KIF26A: variants seen among roughly 807,000 people sequenced by gnomAD.
The protein encoded by KIF26A is kinesin family member 26A.
Under a neutral mutation model 126.0 loss-of-function variants are expected in KIF26A, and 74 were observed. That is an observed-to-expected ratio of 0.59 (90% CI 0.49 to 0.71). KIF26A has a LOEUF of 0.71. Ranked by LOEUF, KIF26A falls within the 30% of genes least tolerant of loss-of-function variation. The pLI, the probability that KIF26A is intolerant of heterozygous loss-of-function variation, is 0.00. For synonymous variants in KIF26A, 1,445 were observed against 1,232.7 expected (o/e 1.17, Z -3.61); for missense variants, 2,984 against 2,763.3 (o/e 1.08, Z -1.79).
Position 104,141,700 on chromosome 14 carries a change from G to C in KIF26A, c.288+2412G>C, listed in dbSNP as rs530129630. Among the ~76,000 whole-genome samples, 3 of 152,126 alleles carry C rather than the reference G, an allele frequency of 2.0e-5. No individual in the cohort carries two copies. In the South Asian group the frequency reaches 6.2e-4, roughly 32 times the overall value. On this transcript the variant is annotated intron_variant, in intron 2 of 14. Transcript: ENST00000423312. ...TCTCCCTGCCTGTCTCCGTTGTAGA[G>C]GGAGGCGTAGAGGGTCGGGCCCAGC...
In KIF26A at chr14:104,139,259, C is replaced by G; in HGVS notation, c.259C>G (p.Leu87Val). 1.3e-6 allele frequency: 2 copies of G among 1,545,990 alleles called. No individual in the cohort carries two copies. The highest frequency in any genetic ancestry group is 1.7e-6 in the Non-Finnish European group (2 of 1,148,648). Residue 87 changes from leucine to valine, a missense_variant, in exon 2 of 15, where the codon CTG becomes GTG. Physicochemically the swap from Leu to Val is conservative, Grantham distance 32. Coordinates refer to ENST00000423312, the MANE Select transcript of KIF26A (RefSeq NM_015656.2). ...GGAGCTCAAGCGACAGGCGTGGAAG[C>G]TGGTCAGCGGGCCCGGGACCACCCT... ...LVELKRQAWKLVSGPGTTLRD... is the reference protein window; with the variant it reads ...LVELKRQAWKVVSGPGTTLRD...
In KIF26A at chr14:104,179,805, C is replaced by A; in HGVS notation, c.*15C>A. The A allele has an allele frequency of 2.0e-6, 3 of 1,512,188 alleles. No homozygotes were observed. The highest frequency in any genetic ancestry group is 2.7e-6 in the Non-Finnish European group (3 of 1,129,818). The allele number at this position is 1,512,188 out of a possible 1,614,324, so 93.7% of individuals were successfully genotyped here. On this transcript the variant is annotated 3_prime_UTR_variant, in exon 15 of 15. Coordinates refer to ENST00000423312, the MANE Select transcript of KIF26A (RefSeq NM_015656.2). ...TGGACGTCTGAGGCTGGGCGCCGGA[C>A]AAGAGGAGGGGGCGTGCAGCGGGCT...
Position 104,177,562 on chromosome 14 carries a change from C to T in KIF26A, c.4774C>T (p.His1592Tyr). 6.5e-7 allele frequency: 1 copy of T among 1,537,598 alleles called. No individual in the cohort carries two copies. The highest frequency in any genetic ancestry group is 8.7e-7 in the Non-Finnish European group (1 of 1,147,126). ...GGGCTCGGCGGACTCAGACAGCGGC[C>T]ATGACAGCGGCGTGAACGTGGGGGA... ...SWGSADSDSGHDSGVNVGEER... is the reference protein window; with the variant it reads ...SWGSADSDSGYDSGVNVGEER... The change falls in exon 12 of 15, where the codon CAT becomes TAT. Residue 1592 changes from histidine to tyrosine, a missense_variant. His to Tyr is a moderately conservative substitution (Grantham distance 83, BLOSUM62 2). Coordinates refer to ENST00000423312, the MANE Select transcript of KIF26A (RefSeq NM_015656.2).
chr14:104,157,679 C>T, intron 3 of KIF26A, 76 bp from the exon 4 acceptor site: 2 of 1,484,916 alleles, frequency 1.3e-6, no homozygotes, highest in East Asian at 2.5e-5. Flanking sequence ...AGGCCTGTCT[C>T]TCCCACTCCG....
chr14:104,145,688 C>T (rs974829216), intron 2 of KIF26A, among the ~76,000 whole-genome samples: 1 of 152,238 alleles, frequency 6.6e-6, no homozygotes, highest in Non-Finnish European at 1.5e-5. Flanking sequence ...CCCATCTTCC[C>T]TCCCCAGCTC....
At chr14:104,146,867 G>C (rs1342861453) in intron 2 of KIF26A, among the ~76,000 whole-genome samples, 1 of 152,158 alleles carries the variant, frequency 6.6e-6, no homozygotes, top group Non-Finnish European at 1.5e-5. Context: ...CGGGCGCTCT[G>C]GGGGCTGTGT....
intron 3 of KIF26A, among the ~76,000 whole-genome samples, chr14:104,157,510 C>T (rs927356030): frequency 6.6e-6 from 1 of 152,172 alleles, no homozygotes. Flanking sequence ...CTGGGGCAGA[C>T]CGCCCACACA....
At chr14:104,142,858 CCA>C (rs1390762375) in intron 2 of KIF26A, among the ~76,000 whole-genome samples, 12 of 152,184 alleles carry the variant, frequency 7.9e-5, no homozygotes, top group Admixed American at 7.9e-4. Flanking sequence ...GCTTTTCCTC[CCA>C]CACCCCACTT....
chr14:104,174,892 G>A (rs771399653), intron 11 of KIF26A, 90 bp from the exon 12 acceptor site: 29 of 1,321,980 alleles, frequency 2.2e-5, no homozygotes, highest in African/African-American at 1.0e-4. Context: ...CACAGTGACC[G>A]CAGCATTGGC....
rs149374004 is a variant in KIF26A at position 104,163,270 on chromosome 14, C to T, written c.924-3589C>T. On this transcript the variant is annotated intron_variant, in intron 4 of 14. Transcript: ENST00000423312. ...CAGGCCCCTGCCCAGTCTCCCTGCC[C>T]GCTATGGGGGCTCACTTTGAGGTTT... Among the ~76,000 whole-genome samples, 270 of 152,304 alleles carry T rather than the reference C, an allele frequency of 1.8e-3. 1 individual carries two copies. The highest frequency in any genetic ancestry group is 5.7e-3 in the African/African-American group (238 of 41,586).
intron 5 of KIF26A, among the ~76,000 whole-genome samples, chr14:104,171,477 A>G (rs2037956155): frequency 6.6e-6 from 1 of 152,080 alleles, no homozygotes; most frequent in South Asian, 2.1e-4. Context: ...TGTGCCGCAC[A>G]TTCGGTGCTG....
At position 104,174,286 on chromosome 14, in the gene KIF26A, C is replaced by G. The variant is rs746550217; in HGVS notation, c.2169C>G (p.His723Gln). The G allele has an allele frequency of 1.2e-5, 19 of 1,556,858 alleles. No homozygotes were observed. The African/African-American group carries it at 2.6e-4, about 21-fold the overall frequency. ...LSTVQLAARI[H>Q]RLRRKKAKYA... Reference sequence around the variant, plus strand: ...CCGTGCAGCTCGCCGCCCGCATCCACCGCCTGCGCAGGAAGAAGGCCAAGG... The same window carrying G: ...CCGTGCAGCTCGCCGCCCGCATCCAGCGCCTGCGCAGGAAGAAGGCCAAGG... Residue 723 changes from histidine to glutamine, a missense_variant, in exon 11 of 15, where the codon CAC becomes CAG. Physicochemically the swap from His to Gln is conservative, Grantham distance 24. Transcript: ENST00000423312.
chr14:104,177,599 C>A lies in KIF26A; in HGVS notation c.4811C>A (p.Pro1604His). 6.5e-7 allele frequency: 1 copy of A among 1,531,032 alleles called. No individual in the cohort carries two copies. The highest frequency in any genetic ancestry group is 1.2e-5 in the South Asian group (1 of 83,170). The allele number at this position is 1,531,032 out of a possible 1,614,324, so 94.8% of individuals were successfully genotyped here. Residue 1604 changes from proline to histidine, a missense_variant, in exon 12 of 15, where the codon CCC becomes CAC. By Grantham distance (77) the Pro-to-His change is moderately conservative. Coordinates refer to ENST00000423312, the MANE Select transcript of KIF26A (RefSeq NM_015656.2). ...GTGAACGTGGGGGAGGAGCGGCCAC[C>A]CACGGGCCCGGCCCTGCCCTCCCCC... ...SGVNVGEERP[P>H]TGPALPSPYS...
intron 4 of KIF26A, among the ~76,000 whole-genome samples, chr14:104,159,166 A>C (rs1482488226): frequency 1.3e-5 from 2 of 152,156 alleles, no homozygotes; most frequent in Non-Finnish European, 2.9e-5. Flanking sequence ...GCGCCACCCC[A>C]ATTAGGTGCC....
rs529979263 is a variant in KIF26A at position 104,151,735 on chromosome 14, C to T, written c.289-280C>T. On this transcript the variant is annotated intron_variant, in intron 2 of 14. Transcript: ENST00000423312. The surrounding 1 kb of genome is among the most constrained non-coding windows in gnomAD (Gnocchi z 4.9). The stretch of plus-strand genomic sequence containing the variant: ...GACAGTGGTCCGGTTGTCCGGGAGC[C>T]GCAAACCTGCCTTGTTAGCCGCAGG... 1.3e-5 allele frequency among the ~76,000 whole-genome samples: 2 copies of T among 152,314 alleles called. No individual in the cohort carries two copies. Among genetic ancestry groups the T allele is most frequent in the South Asian group, 2.1e-4 (1 of 4,830 alleles).
chr14:104,173,311 G>T lies in KIF26A; in HGVS notation c.1684-19G>T, dbSNP rs200778306. On this transcript the variant is annotated intron_variant, in intron 8 of 14. Coordinates refer to ENST00000423312, the MANE Select transcript of KIF26A (RefSeq NM_015656.2). ...GCCCTGAGCCACTGAAGACGCCGCTGCCTCTGCCTTTCCTGCAGCTCCAGA... is the reference window on the plus strand; with the variant it reads ...GCCCTGAGCCACTGAAGACGCCGCTTCCTCTGCCTTTCCTGCAGCTCCAGA... 523 of 1,604,282 alleles carry T rather than the reference G, an allele frequency of 3.3e-4. 2 individuals are homozygous for T. The South Asian group carries it at 4.5e-3, about 14-fold the overall frequency.
chr14:104,179,933 T>G lies in KIF26A; in HGVS notation c.*143T>G, dbSNP rs1035053601. The G allele has an allele frequency of 4.6e-6, 4 of 874,008 alleles. No homozygotes were observed. The highest frequency in any genetic ancestry group is 4.9e-6 in the Non-Finnish European group (3 of 609,708). 54.1% of individuals were successfully genotyped at this position (874,008 alleles called of 1,614,324 possible). Reference sequence around the variant, plus strand: ...CGGGAGTCTCAGAGAGGAGACGGAGTGTGGGGGAGGGAGGGCCGGCCACGC... The same window carrying G: ...CGGGAGTCTCAGAGAGGAGACGGAGGGTGGGGGAGGGAGGGCCGGCCACGC... On this transcript the variant is annotated 3_prime_UTR_variant, in exon 15 of 15. Transcript: ENST00000423312.
Position 104,152,208 on chromosome 14 carries a change from T to G in KIF26A, c.482T>G (p.Leu161Arg). The G allele has an allele frequency of 6.2e-7, 1 of 1,602,952 alleles. No homozygotes were observed. The highest frequency in any genetic ancestry group is 8.5e-7 in the Non-Finnish European group (1 of 1,176,434). ...GACGCCCCCCATGGAGGCCCCAGCC[T>G]CGCACCCCCCAGCACCACGACCAGC... The part of the protein sequence containing the change: ...DLDAPHGGPS[L>R]APPSTTTSSR... The change falls in exon 3 of 15, where the codon CTC becomes CGC. Residue 161 changes from leucine (L) to arginine (R), a missense_variant. Coordinates refer to ENST00000423312, the MANE Select transcript of KIF26A (RefSeq NM_015656.2). The surrounding 1 kb of genome is among the most constrained non-coding windows in gnomAD (Gnocchi z 5.9).
At position 104,174,117 on chromosome 14, in the gene KIF26A, G is replaced by A. The variant is rs1442911480; in HGVS notation, c.2031-31G>A. 3 of 1,522,696 alleles carry A rather than the reference G, an allele frequency of 2.0e-6. No homozygotes were observed. In the African/African-American group the frequency reaches 4.1e-5, roughly 21 times the overall value. 94.3% of individuals were successfully genotyped at this position (1,522,696 alleles called of 1,614,324 possible). A position where few individuals can be genotyped will look rare whatever the true frequency, so the allele number is the denominator to read the frequency against. ...CTGTCCCCGAAGCTCCCTTCCCAAG[G>A]CCTTGGCATCTGAACCGCCTCGACC... On this transcript the variant is annotated intron_variant, in intron 10 of 14. Coordinates refer to ENST00000423312, the MANE Select transcript of KIF26A (RefSeq NM_015656.2).
Sources: gnomAD v4.1 joint callset for allele counts (sites outside exome capture counted in the v4.1 genomes callset) on GRCh38, gnomAD v4.1.1 for gene constraint, Gnocchi (gnomAD v3.1) non-coding constraint, MANE v1.5 for transcripts, NCBI Gene and HGNC (gene_info 2026-07-23, HGNC 2026-07-21) for gene names.